TEX11: variants seen among roughly 807,000 people sequenced by gnomAD.
TEX11 encodes the protein testis-expressed protein 11.
A neutral mutation model predicts 84.4 loss-of-function variants in TEX11; 7 were observed. That is an observed-to-expected ratio of 0.08 (90% CI 0.05 to 0.16). The LOEUF (loss-of-function observed/expected upper bound fraction) is 0.16. TEX11 is among the 10% of genes least tolerant of loss of function. The pLI is 1.00. For missense variants in TEX11, 551 were observed against 660.5 expected, an observed-to-expected ratio of 0.83 and a Z score of 1.82; for synonymous variants, 264 against 222.8, an observed-to-expected ratio of 1.18 and a Z score of -1.64.
intron 24 of TEX11, among the ~76,000 whole-genome samples, chrX:70,601,534 C>CTTTTT (rs1182961993): frequency 2.6e-3 from 167 of 63,258 alleles, no homozygotes; most frequent in South Asian, 5.6e-3. Context: ...CAGCATCATT[C>CTTTTT]TTTTTTTTTT....
At chrX:70,521,676 T>C in the TEX11 span, among the ~76,000 whole-genome samples, 3 of 111,708 alleles carry the variant, frequency 2.7e-5, no homozygotes, top group African/African-American at 9.8e-5. Flanking sequence ...TTCTGACCAA[T>C]TAATGAAGAA....
intron 8 of TEX11, among the ~76,000 whole-genome samples, chrX:70,826,946 G>A (rs980571842): frequency 2.8e-4 from 31 of 111,168 alleles, no homozygotes; most frequent in African/African-American, 9.2e-4. Context: ...AGCAAAGGGA[G>A]GGCTTGCACC....
chrX:70,811,802 C>T (rs956083932), intron 8 of TEX11, among the ~76,000 whole-genome samples: 3 of 111,366 alleles, frequency 2.7e-5, no homozygotes, highest in Non-Finnish European at 5.7e-5. Context: ...TTTCATGTGT[C>T]TGTTGGCTGC....
chrX:70,617,344 T>A (rs756278400), intron 20 of TEX11, among the ~76,000 whole-genome samples: 5 of 103,410 alleles, frequency 4.8e-5, no homozygotes, highest in African/African-American at 1.7e-4. Context: ...AGTGAAGGTT[T>A]TATATATATA....
intron 2 of TEX11, among the ~76,000 whole-genome samples, chrX:70,881,326 C>T: frequency 1.6e-5 from 1 of 61,931 alleles, no homozygotes; most frequent in East Asian, 5.2e-4. Flanking sequence ...GACTGTGTCT[C>T]AAAAAAAAAA....
chrX:70,544,856 A>AAC (rs2088098209), intron 28 of TEX11, among the ~76,000 whole-genome samples: 1 of 107,465 alleles, frequency 9.3e-6, no homozygotes, highest in Non-Finnish European at 1.9e-5. Flanking sequence ...AAAAAAAAAA[A>AAC]AACCCAAAAA....
intron 8 of TEX11, among the ~76,000 whole-genome samples, chrX:70,808,896 G>A (rs1222759495): frequency 9.0e-6 from 1 of 111,682 alleles, no homozygotes; most frequent in Non-Finnish European, 1.9e-5. Context: ...AATATGTTTA[G>A]ACATGCAAAC....
intron 4 of TEX11, among the ~76,000 whole-genome samples, chrX:70,863,889 T>C (rs2091583746): frequency 1.8e-5 from 2 of 111,639 alleles, no homozygotes; most frequent in South Asian, 7.5e-4. Context: ...ATAAATTAAC[T>C]GATGAGCTGA....
At chrX:70,748,453 T>G (rs1322890655) in intron 9 of TEX11, among the ~76,000 whole-genome samples, 1 of 111,801 alleles carries the variant, frequency 8.9e-6, no homozygotes, top group African/African-American at 3.2e-5. Flanking sequence ...TCTGTGAAAT[T>G]TGTTGCCATT....
intron 24 of TEX11, among the ~76,000 whole-genome samples, chrX:70,604,719 A>G (rs1375187337): frequency 9.0e-6 from 1 of 111,128 alleles, no homozygotes; most frequent in Admixed American, 9.6e-5. Context: ...GGTACGAGAA[A>G]CCAAGCAGAG....
At chrX:70,778,649 GT>G (rs202018863) in intron 9 of TEX11, among the ~76,000 whole-genome samples, 3,539 of 106,881 alleles carry the variant, frequency 0.033, 158 homozygotes, top group African/African-American at 0.12. Flanking sequence ...GTTTGTTTTT[GT>G]TTTTTGTTTG....
intron 8 of TEX11, among the ~76,000 whole-genome samples, chrX:70,827,298 C>T (rs190199033): frequency 2.8e-3 from 315 of 111,914 alleles, no homozygotes; most frequent in Middle Eastern, 0.014. Flanking sequence ...GGGCCTTGGG[C>T]TCTGAGAAGT....
At chrX:70,761,269 C>A (rs2090907240) in intron 9 of TEX11, among the ~76,000 whole-genome samples, 1 of 111,793 alleles carries the variant, frequency 8.9e-6, no homozygotes, top group South Asian at 3.8e-4. Flanking sequence ...GGTATATACC[C>A]AAAGGATTAT....
intron 8 of TEX11, among the ~76,000 whole-genome samples, chrX:70,811,008 A>G (rs1469531228): frequency 8.9e-6 from 1 of 111,784 alleles, no homozygotes; most frequent in Non-Finnish European, 1.9e-5. Context: ...CGTTACAAAT[A>G]TTCCAATGAG....
At chrX:70,536,727 A>T (rs1034648623) in intron 28 of TEX11, among the ~76,000 whole-genome samples, 27 of 112,420 alleles carry the variant, frequency 2.4e-4, no homozygotes, top group African/African-American at 8.4e-4. Context: ...ATATCATTTT[A>T]TAGTTTTAAA....
chrX:70,661,156 A>C (rs1328367057), intron 16 of TEX11, among the ~76,000 whole-genome samples: 1 of 111,782 alleles, frequency 8.9e-6, no homozygotes, highest in Admixed American at 9.4e-5. Context: ...CGGCACTTGG[A>C]AAATCAGGTC....
rs1210524250 is a variant in TEX11, at chrX:70,651,513, T to C, written c.1420A>G (p.Arg474Gly). 2.5e-6 allele frequency: 3 copies of C among 1,206,146 alleles called. No homozygotes were observed. Among genetic ancestry groups the C allele is most frequent in the East Asian group, 5.9e-5 (2 of 33,674 alleles). The change falls in exon 17 of 30, where the codon AGG (arginine) becomes GGG (glycine). Residue 474 changes from arginine (R) to glycine (G), a missense_variant. Physicochemically the swap from Arg to Gly is moderately radical, Grantham distance 125 (BLOSUM62 -2). Transcript: ENST00000374333. Reference protein sequence around the residue: ...AVAEAERHDPRNVFTQFYIFK... With the variant: ...AVAEAERHDPGNVFTQFYIFK... ...ATATAAAATTGAGTGAAAACGTTCC[T>C]AGGGTCATGTCGTTCAGCTTCTGCC...
At chrX:70,683,879 T>C (rs1446341984) in intron 13 of TEX11, among the ~76,000 whole-genome samples, 1 of 111,335 alleles carries the variant, frequency 9.0e-6, no homozygotes, top group African/African-American at 3.3e-5. Flanking sequence ...TCTTGTTATA[T>C]ATCATCAAAT....
At chrX:70,667,965 T>G (rs1322195018) in intron 16 of TEX11, among the ~76,000 whole-genome samples, 1 of 110,652 alleles carries the variant, frequency 9.0e-6, no homozygotes, top group East Asian at 2.8e-4. Flanking sequence ...AGAGAATGAT[T>G]AAACAGCTAG....
Sources: gnomAD v4.1 joint callset for allele counts (sites outside exome capture counted in the v4.1 genomes callset) on GRCh38, gnomAD v4.1.1 for gene constraint, MANE v1.5 for transcripts, NCBI Gene and HGNC (gene_info 2026-07-23, HGNC 2026-07-21) for gene names.